The following PMFBP1 variants were observed in gnomAD, a reference collection of about 807,000 sequenced individuals.
PMFBP1 encodes the protein polyamine-modulated factor 1-binding protein 1.
PMFBP1 carries 131 observed loss-of-function variants against 137.8 expected under a neutral mutation model. The observed-to-expected ratio is 0.95, with a 90% CI of 0.82 to 1.10. PMFBP1 has a LOEUF of 1.10. Ranked by LOEUF, PMFBP1 falls within the 50% of genes least tolerant of loss-of-function variation. The pLI is 0.00. For missense variants in PMFBP1, 1,199 were observed against 1,175.4 expected (o/e 1.02, Z -0.29); for synonymous variants, 490 against 450.4 (o/e 1.09, Z -1.11).
chr16:72,190,605 A>T, the PMFBP1 span, among the ~76,000 whole-genome samples: 2 of 152,102 alleles, frequency 1.3e-5, no homozygotes, highest in African/African-American at 2.4e-5. Context: ...GTGAAATGGG[A>T]TGGAAGGAAA....
At chr16:72,140,236 G>C (rs1203750952) in intron 6 of PMFBP1, among the ~76,000 whole-genome samples, 176 bp downstream of exon 6, 1 of 152,084 alleles carries the variant, frequency 6.6e-6, no homozygotes, top group Non-Finnish European at 1.5e-5. Context: ...ACACTATTTG[G>C]GTGGGAAGAA....
chr16:72,214,421 C>T, the PMFBP1 span, among the ~76,000 whole-genome samples: 3 of 152,138 alleles, frequency 2.0e-5, no homozygotes, highest in Non-Finnish European at 4.4e-5. Context: ...GTGATCCACC[C>T]GCCTCAGCTT....
chr16:72,212,598 C>A, the PMFBP1 span, among the ~76,000 whole-genome samples: 4 of 152,042 alleles, frequency 2.6e-5, no homozygotes, highest in Non-Finnish European at 5.9e-5. Context: ...TCTAGCAGGT[C>A]CAACATCCAA....
At chr16:72,135,364 T>TGG (rs989952669) in intron 9 of PMFBP1, among the ~76,000 whole-genome samples, 1 of 95,112 alleles carries the variant, frequency 1.1e-5, no homozygotes, top group African/African-American at 5.1e-5. Context: ...TGTGTGTTTT[T>TGG]TTTTTTTTTT....
At chr16:72,195,479 G>A in the PMFBP1 span, among the ~76,000 whole-genome samples, 1 of 152,084 alleles carries the variant, frequency 6.6e-6, no homozygotes, top group Non-Finnish European at 1.5e-5. Context: ...CAAGAACCCA[G>A]CCCCGCTTTA....
chr16:72,120,111 CG>C, intron 19 of PMFBP1, 22 bp from the exon 20 acceptor site: 1 of 1,614,104 alleles, frequency 6.2e-7, no homozygotes, highest in Non-Finnish European at 8.5e-7. Flanking sequence ...AGAGGAAGGA[CG>C]GGTTGTGTTG....
the PMFBP1 span, among the ~76,000 whole-genome samples, chr16:72,229,840 A>AT: frequency 1.3e-5 from 2 of 151,942 alleles, no homozygotes; most frequent in Non-Finnish European, 2.9e-5. Flanking sequence ...AAAATTGGCT[A>AT]TTTTTTTTGC....
the PMFBP1 span, among the ~76,000 whole-genome samples, chr16:72,212,728 G>A: frequency 2.5e-4 from 38 of 152,238 alleles, no homozygotes; most frequent in Admixed American, 2.4e-3. Flanking sequence ...AGGTGAATGG[G>A]TATCCAGCAC....
the PMFBP1 span, among the ~76,000 whole-genome samples, chr16:72,235,714 T>C: frequency 1.5e-5 from 2 of 137,080 alleles, no homozygotes; most frequent in Non-Finnish European, 3.0e-5. Context: ...TGAACCTCTT[T>C]TATTAAATTT....
upstream of PMFBP1, among the ~76,000 whole-genome samples, chr16:72,175,628 C>T (rs1263959481): frequency 6.6e-6 from 1 of 152,150 alleles, no homozygotes. Flanking sequence ...TCCGGGTTTT[C>T]AGGAAAGAGA....
chr16:72,164,857 A>C lies in PMFBP1; in HGVS notation c.72T>G (p.Leu24=). Residue 24 remains leucine, a synonymous_variant, in exon 3 of 21, where the codon CTT becomes CTG. Coordinates refer to ENST00000237353, the MANE Select transcript of PMFBP1 (RefSeq NM_031293.3). ...SLNSKLLSLQ[L]DIKNLHDVCK... ...AGACATCGTGCAGATTCTTGATGTC[A>C]AGTTGCAGGCTTAACAGCTTGCTGT... 6.2e-7 allele frequency: 1 copy of C among 1,610,354 alleles called. No homozygotes were observed.
chr16:72,138,267 A>T (rs952103824), intron 7 of PMFBP1, among the ~76,000 whole-genome samples: 2 of 152,146 alleles, frequency 1.3e-5, no homozygotes, highest in African/African-American at 4.8e-5. Flanking sequence ...AAAGAGGAGC[A>T]TCTCCTCCTC....
intron 4 of PMFBP1, among the ~76,000 whole-genome samples, chr16:72,153,399 T>G (rs1028653666): frequency 2.0e-5 from 3 of 152,184 alleles, no homozygotes; most frequent in Admixed American, 6.5e-5. Flanking sequence ...TTTTTTTTTC[T>G]TCTCCGTCCT....
chr16:72,197,462 TAGC>T, the PMFBP1 span, among the ~76,000 whole-genome samples: 14 of 152,214 alleles, frequency 9.2e-5, no homozygotes, highest in African/African-American at 3.4e-4. Context: ...CACACTTAAA[TAGC>T]AGTCTTCCTA....
the PMFBP1 span, among the ~76,000 whole-genome samples, chr16:72,199,703 C>A: frequency 3.0e-3 from 421 of 142,464 alleles, no homozygotes; most frequent in Non-Finnish European, 5.0e-3. Flanking sequence ...AAGGGCTTTT[C>A]AGAAAAAAAA....
At chr16:72,186,514 T>C in the PMFBP1 span, among the ~76,000 whole-genome samples, 5 of 152,040 alleles carry the variant, frequency 3.3e-5, no homozygotes, top group Admixed American at 3.3e-4. Flanking sequence ...ATTCAGAGTC[T>C]GAAATTTATC....
intron 7 of PMFBP1, among the ~76,000 whole-genome samples, chr16:72,139,058 A>G (rs889042945): frequency 6.6e-6 from 1 of 152,172 alleles, no homozygotes; most frequent in African/African-American, 2.4e-5. Flanking sequence ...GTTTAGGTGT[A>G]CTGTTAGAAG....
At chr16:72,202,613 C>T in the PMFBP1 span, among the ~76,000 whole-genome samples, 91 of 152,312 alleles carry the variant, frequency 6.0e-4, no homozygotes, top group African/African-American at 2.1e-3. Context: ...GAAGTTGGCA[C>T]ATTATTGCAG....
the PMFBP1 span, among the ~76,000 whole-genome samples, chr16:72,190,847 C>A: frequency 2.0e-5 from 3 of 152,228 alleles, no homozygotes; most frequent in East Asian, 5.8e-4. Flanking sequence ...ATACAGGAAG[C>A]TTTATAGGAC....
Sources: gnomAD v4.1 joint callset for allele counts (sites outside exome capture counted in the v4.1 genomes callset) on GRCh38, gnomAD v4.1.1 for gene constraint, MANE v1.5 for transcripts, NCBI Gene and HGNC (gene_info 2026-07-23, HGNC 2026-07-21) for gene names.